Variants in ADGRB3 observed in about 807,000 individuals in gnomAD.
The protein encoded by ADGRB3 is adhesion G protein-coupled receptor B3.
A neutral mutation model predicts 193.4 loss-of-function variants in ADGRB3; 37 were observed. The ratio of observed to expected loss-of-function variants is 0.19; its 90% CI spans 0.15 to 0.25. ADGRB3 has a LOEUF of 0.25. ADGRB3 is among the 10% of genes least tolerant of loss of function. ADGRB3 has a pLI of 1.00. For missense variants in ADGRB3, 1,637 were observed against 1,852.9 expected, an observed-to-expected ratio of 0.88 and a Z score of 2.14; for synonymous variants, 690 against 644.2, an observed-to-expected ratio of 1.07 and a Z score of -1.08.
chr6:68,978,025 T>C lies in ADGRB3; in HGVS notation c.1734+2685T>C, dbSNP rs116175320. 5.9e-3 allele frequency among the ~76,000 whole-genome samples: 896 copies of C among 151,616 alleles called. 12 individuals are homozygous for C. The highest frequency in any genetic ancestry group is 0.02 in the African/African-American group (830 of 41,472). On this transcript the variant is annotated intron_variant, in intron 10 of 31. Transcript: ENST00000370598. ...CATGTTCTTAGGAAAAGTCATATGA[T>C]CACACTCAAGTCTTAGCTTGCTATT...
intron 13 of ADGRB3, among the ~76,000 whole-genome samples, chr6:69,033,884 A>C (rs535885006): frequency 3.9e-5 from 6 of 152,200 alleles, no homozygotes; most frequent in African/African-American, 1.4e-4. Flanking sequence ...ATAATTGTCT[A>C]TACTGGACAG....
At chr6:69,023,202 A>G (rs1770323264) in intron 13 of ADGRB3, among the ~76,000 whole-genome samples, 2 of 152,114 alleles carry the variant, frequency 1.3e-5, no homozygotes, top group South Asian at 4.1e-4. Flanking sequence ...AGGTCATTAA[A>G]ATAAATGTCT....
chr6:68,911,784 G>A (rs1181298272), intron 3 of ADGRB3, among the ~76,000 whole-genome samples: 1 of 148,204 alleles, frequency 6.7e-6, no homozygotes. Flanking sequence ...TTCTGGGAAA[G>A]TTTGAAAGTT....
At position 68,913,931 on chromosome 6, in the gene ADGRB3, G is replaced by A. The variant is rs564369284; in HGVS notation, c.758-16628G>A. 9.6e-3 allele frequency among the ~76,000 whole-genome samples: 1,452 copies of A among 151,708 alleles called. 35 individuals are homozygous for A. The highest frequency in any genetic ancestry group is 0.033 in the African/African-American group (1,379 of 41,308). On this transcript the variant is annotated intron_variant, in intron 3 of 31. Transcript: ENST00000370598. ...CAGGAGCCGATGCGATCAACTGGAA[G>A]AAAGGGTATCAGTGATGGAAGATGA...
At chr6:68,686,694 T>C (rs1420994414) in intron 3 of ADGRB3, among the ~76,000 whole-genome samples, 5 of 152,178 alleles carry the variant, frequency 3.3e-5, no homozygotes, top group Admixed American at 2.6e-4. Flanking sequence ...CTGTCAATTG[T>C]CAGTCTTTCT....
chr6:68,714,931 A>G (rs986174518), intron 3 of ADGRB3, among the ~76,000 whole-genome samples: 2 of 151,792 alleles, frequency 1.3e-5, no homozygotes, highest in African/African-American at 4.8e-5. Flanking sequence ...ACTATAATCC[A>G]TGTCACATTT....
chr6:68,642,831 A>G (rs532706873), intron 3 of ADGRB3, among the ~76,000 whole-genome samples: 144 of 151,654 alleles, frequency 9.5e-4, no homozygotes, highest in African/African-American at 3.3e-3. Context: ...AAATAACATT[A>G]TGGTTTACCA....
At chr6:69,277,147 A>C (rs1328158073) in intron 20 of ADGRB3, among the ~76,000 whole-genome samples, 1 of 151,976 alleles carries the variant, frequency 6.6e-6, no homozygotes, top group Non-Finnish European at 1.5e-5. Flanking sequence ...GGCACGAGCC[A>C]CCATGCCCAG....
intron 3 of ADGRB3, among the ~76,000 whole-genome samples, chr6:68,916,725 T>G (rs1766888725): frequency 6.6e-6 from 1 of 152,138 alleles, no homozygotes. Flanking sequence ...AGTTTTTCAG[T>G]TGAAAAAAAT....
chr6:69,333,772 G>A (rs1277415152), intron 24 of ADGRB3, among the ~76,000 whole-genome samples: 2 of 150,410 alleles, frequency 1.3e-5, no homozygotes, highest in Non-Finnish European at 3.0e-5. Flanking sequence ...TACTAAAAAT[G>A]CAAAAAAATT....
At chr6:69,262,917 G>T (rs542536625) in intron 20 of ADGRB3, among the ~76,000 whole-genome samples, 2 of 152,050 alleles carry the variant, frequency 1.3e-5, no homozygotes, top group South Asian at 4.1e-4. Context: ...CATAAAGGAG[G>T]AGTACTGTAG....
intron 17 of ADGRB3, among the ~76,000 whole-genome samples, chr6:69,153,917 C>G (rs1195552075): frequency 6.6e-6 from 1 of 151,924 alleles, no homozygotes; most frequent in African/African-American, 2.4e-5. Context: ...GGTGTGAACC[C>G]GGGAGGCAGA....
At chr6:68,781,896 C>A (rs192514054) in intron 3 of ADGRB3, among the ~76,000 whole-genome samples, 3 of 151,946 alleles carry the variant, frequency 2.0e-5, no homozygotes, top group African/African-American at 7.2e-5. Context: ...GTATTACAAG[C>A]GAAAGAAGGG....
At chr6:69,387,131 A>G (rs1770091531) in intron 31 of ADGRB3, among the ~76,000 whole-genome samples, 2 of 152,080 alleles carry the variant, frequency 1.3e-5, no homozygotes, top group South Asian at 2.1e-4. Context: ...AATGAAATCA[A>G]TTGTTTAAAA....
At chr6:68,817,347 AT>A in intron 3 of ADGRB3, among the ~76,000 whole-genome samples, 3 of 109,036 alleles carry the variant, frequency 2.8e-5, no homozygotes, top group African/African-American at 9.4e-5. Flanking sequence ...ATATATATAT[AT>A]ATATATATAT....
At chr6:68,720,770 C>G (rs551112578) in intron 3 of ADGRB3, among the ~76,000 whole-genome samples, 1 of 151,880 alleles carries the variant, frequency 6.6e-6, no homozygotes, top group East Asian at 2.0e-4. Context: ...TTATGGGAAA[C>G]ACTCGCCTGA....
intron 3 of ADGRB3, among the ~76,000 whole-genome samples, chr6:68,821,635 G>T (rs192228003): frequency 0.01 from 1,577 of 151,138 alleles, 24 homozygotes; most frequent in African/African-American, 0.036. Context: ...CGTATAATTT[G>T]CCTCTTTTTT....
At chr6:68,914,714 G>T (rs1239855419) in intron 3 of ADGRB3, among the ~76,000 whole-genome samples, 1 of 152,136 alleles carries the variant, frequency 6.6e-6, no homozygotes, top group African/African-American at 2.4e-5. Flanking sequence ...AGAAATTTTG[G>T]TAGAGGCAAA....
intron 17 of ADGRB3, among the ~76,000 whole-genome samples, chr6:69,095,110 A>G (rs959111722): frequency 1.3e-5 from 2 of 152,128 alleles, no homozygotes; most frequent in Non-Finnish European, 2.9e-5. Context: ...AATAAACCCC[A>G]AGTAATTGAA....
Sources: gnomAD v4.1 joint callset for allele counts (sites outside exome capture counted in the v4.1 genomes callset) on GRCh38, gnomAD v4.1.1 for gene constraint, MANE v1.5 for transcripts, NCBI Gene and HGNC (gene_info 2026-07-23, HGNC 2026-07-21) for gene names.